Variants in STAB1 observed in about 807,000 individuals in gnomAD.
The protein encoded by STAB1 is stabilin-1.
In STAB1, 250 loss-of-function variants were observed where a neutral mutation model predicts 332.4. The observed-to-expected ratio is 0.75, with a 90% confidence interval of 0.68 to 0.84. The LOEUF is 0.84. Ranked by LOEUF, STAB1 falls within the 40% of genes least tolerant of loss-of-function variation. STAB1 has a pLI of 0.00. For synonymous variants in STAB1, 1,475 were observed against 1,390.4 expected (o/e 1.06, Z -1.35); for missense variants, 3,249 against 3,489.7 (o/e 0.93, Z 1.74).
At chr3:52,501,544 G>A in intron 2 of STAB1, 94 bp from the exon 3 acceptor site, 2 of 1,252,720 alleles carry the variant, frequency 1.6e-6, no homozygotes, top group Non-Finnish European at 1.1e-6. Flanking sequence ...AGAGCAGGGA[G>A]GTGGGTGGGA....
At chr3:52,500,812 C>T (rs1708391155) in intron 1 of STAB1, among the ~76,000 whole-genome samples, 1 of 152,228 alleles carries the variant, frequency 6.6e-6, no homozygotes, top group Non-Finnish European at 1.5e-5. Flanking sequence ...CTTCAGTTTT[C>T]TCACCTGAAA....
chr3:52,512,651 A>G lies in STAB1; in HGVS notation c.3027+8A>G, dbSNP rs1709379098. On this transcript the variant is annotated splice_region_variant and intron_variant, in intron 28 of 68. Coordinates refer to ENST00000321725, the MANE Select transcript of STAB1 (RefSeq NM_015136.3). ...TTCTACCAATGGCTTAAGGTAGGACAGGGCAGAATGCTGGGGTTGAGGGCT... is the reference window on the plus strand; with the variant it reads ...TTCTACCAATGGCTTAAGGTAGGACGGGGCAGAATGCTGGGGTTGAGGGCT... 2 of 1,613,670 alleles carry G rather than the reference A, an allele frequency of 1.2e-6. No homozygotes were observed. The highest frequency in any genetic ancestry group is 1.1e-5 in the South Asian group (1 of 91,076).
Position 52,502,197 on chromosome 3 carries a change from C to A in STAB1, c.456C>A (p.Asp152Glu), listed in dbSNP as rs368822018. 3 of 1,613,256 alleles carry A rather than the reference C, an allele frequency of 1.9e-6. No individual in the cohort carries two copies. Residue 152 changes from aspartate to glutamate, a missense_variant, in exon 5 of 69, where the codon GAC (aspartate) becomes GAA (glutamate). Coordinates refer to ENST00000321725, the MANE Select transcript of STAB1 (RefSeq NM_015136.3). ...GCTCAGCCTGCCAGGAGTGCCAAGA[C>A]CCCAACCGGTTCGGGCCTGACTGCC... Reference protein sequence around the residue: ...FRGSACQECQDPNRFGPDCQS... With the variant: ...FRGSACQECQEPNRFGPDCQS...
In STAB1 at chr3:52,511,752, G is replaced by T. The variant is rs369232533; in HGVS notation, c.2883+7G>T. 2 of 1,574,886 alleles carry T rather than the reference G, an allele frequency of 1.3e-6. No individual in the cohort carries two copies. The highest frequency in any genetic ancestry group is 8.6e-7 in the Non-Finnish European group (1 of 1,157,118). Reference sequence around the variant, plus strand: ...TGGCGGCTGCCACGGCCTGGTAAGGGGGTGCAAGGCTCAGAGCCCTGGGGA... The same window carrying T: ...TGGCGGCTGCCACGGCCTGGTAAGGTGGTGCAAGGCTCAGAGCCCTGGGGA... On this transcript the variant is annotated splice_region_variant and intron_variant, in intron 26 of 68. Transcript: ENST00000321725.
Position 52,518,703 on chromosome 3 carries a change from C to T in STAB1, c.4888-20C>T, listed in dbSNP as rs1575355503. ...GAGGCGGCAGTCAGGGACCCCACTC[C>T]CCTCGCGACTCTGCTCCAGGATGAG... On this transcript the variant is annotated intron_variant, in intron 47 of 68. Transcript: ENST00000321725. 6.2e-7 allele frequency: 1 copy of T among 1,612,072 alleles called. No homozygotes were observed. The highest frequency in any genetic ancestry group is 1.3e-5 in the African/African-American group (1 of 75,030).
In STAB1 at chr3:52,503,020, T is replaced by C; in HGVS notation, c.605T>C (p.Leu202Pro). Residue 202 changes from leucine (L) to proline (P), a missense_variant, in exon 7 of 69, where the codon CTG becomes CCG. Coordinates refer to ENST00000321725, the MANE Select transcript of STAB1 (RefSeq NM_015136.3). ...GCAGAGCTGCCCGTCTGCCAGGAGC[T>C]GCGCTGTCCCCAGAACACCCAGTGC... ...CDQELPVCQE[L>P]RCPQNTQCSA... is the part of the protein sequence containing the mutation. 6.3e-7 allele frequency: 1 copy of C among 1,594,964 alleles called. No homozygotes were observed. Among genetic ancestry groups the C allele is most frequent in the Admixed American group, 1.7e-5 (1 of 58,050 alleles).
intron 1 of STAB1, among the ~76,000 whole-genome samples, chr3:52,499,440 C>T (rs1455102163): frequency 6.6e-6 from 1 of 152,258 alleles, no homozygotes; most frequent in Non-Finnish European, 1.5e-5. Flanking sequence ...TTGCTGAGAC[C>T]TTCTCCCAAT....
At chr3:52,507,213 T>A (rs1050515060) in intron 18 of STAB1, among the ~76,000 whole-genome samples, 2 of 152,128 alleles carry the variant, frequency 1.3e-5, no homozygotes, top group African/African-American at 4.8e-5. Flanking sequence ...CCTGGCTAAT[T>A]TTTGTATTTT....
chr3:52,510,153 T>C lies in STAB1; in HGVS notation c.2546T>C (p.Leu849Pro). The C allele has an allele frequency of 1.2e-6, 2 of 1,614,008 alleles. No individual in the cohort carries two copies. Among genetic ancestry groups the C allele is most frequent in the East Asian group, 2.2e-5 (1 of 44,884 alleles). The change falls in exon 24 of 69, where the codon CTT becomes CCT. Residue 849 changes from leucine (L) to proline (P), a missense_variant. Physicochemically the swap from Leu to Pro is moderately conservative, Grantham distance 98 (BLOSUM62 -3). Transcript: ENST00000321725. ...TCACCCACCCCCAGATGTCGCTGTC[T>C]TGATGGCTTTGAGGGTGATGGCTTC... Reference protein sequence around the residue: ...SQEGVARCRCLDGFEGDGFSC... With the variant: ...SQEGVARCRCPDGFEGDGFSC...
chr3:52,503,964 G>C lies in STAB1; in HGVS notation c.1022+62G>C, dbSNP rs1708647468. 7 of 1,611,274 alleles carry C rather than the reference G, an allele frequency of 4.3e-6. No homozygotes were observed. The South Asian group carries it at 7.7e-5, about 18-fold the overall frequency. On this transcript the variant is annotated intron_variant, in intron 9 of 68. Coordinates refer to ENST00000321725, the MANE Select transcript of STAB1 (RefSeq NM_015136.3). ...GGGCAAGCGTGCCCTCTGCGGGAAG[G>C]CGTGGGGGGTGCGGTGGGGGGGGCC...
Position 52,510,185 on chromosome 3 carries a change from A to G in STAB1, c.2578A>G (p.Thr860Ala), listed in dbSNP as rs1445688656. ...DGFEGDGFSC[T>A]PSNPCSHPDR... Reference sequence around the variant, plus strand: ...CTTTGAGGGTGATGGCTTCTCCTGCACACCTAGCAACCCCTGCTCCCACCC... The same window carrying G: ...CTTTGAGGGTGATGGCTTCTCCTGCGCACCTAGCAACCCCTGCTCCCACCC... The change falls in exon 24 of 69, where the codon ACA becomes GCA. Residue 860 changes from threonine to alanine, a missense_variant. Thr to Ala is a moderately conservative substitution (Grantham distance 58, BLOSUM62 0). Transcript: ENST00000321725. The G allele has an allele frequency of 5.0e-6, 8 of 1,613,766 alleles. No homozygotes were observed. The African/African-American group carries it at 1.1e-4, about 22-fold the overall frequency.
At position 52,501,255 on chromosome 3, in the gene STAB1, C is replaced by G. The variant is rs540265370; in HGVS notation, c.168C>G (p.Pro56=). The part of the protein sequence containing the change: ...SCAAIKKQTC[P]SGWLRELPDQ... The stretch of plus-strand genomic sequence containing the variant: ...CGGCCATCAAGAAGCAGACGTGTCC[C>G]TCAGGCTGGCTGCGGGAGCTCCCGG... The change falls in exon 2 of 69, where the codon CCC becomes CCG. Residue 56 remains proline, a synonymous_variant. Coordinates refer to ENST00000321725, the MANE Select transcript of STAB1 (RefSeq NM_015136.3). The G allele has an allele frequency of 3.3e-5, 53 of 1,613,710 alleles. 1 individual carries two copies. In the South Asian group the frequency reaches 5.8e-4, roughly 18 times the overall value.
At chr3:52,507,849 A>G in intron 19 of STAB1, 82 bp from the exon 20 acceptor site, 1 of 1,480,662 alleles carries the variant, frequency 6.8e-7, no homozygotes. Flanking sequence ...CAGGGGGCAG[A>G]GGTCCCTTAA....
At position 52,516,433 on chromosome 3, in the gene STAB1, G is replaced by C; in HGVS notation, c.4222G>C (p.Gly1408Arg). 6.2e-7 allele frequency: 1 copy of C among 1,612,402 alleles called. No homozygotes were observed. Among genetic ancestry groups the C allele is most frequent in the Non-Finnish European group, 8.5e-7 (1 of 1,178,980 alleles). The change falls in exon 39 of 69, where the codon GGC becomes CGC. Residue 1408 changes from glycine to arginine, a missense_variant. Gly to Arg is a moderately radical substitution (Grantham distance 125). Transcript: ENST00000321725. ...CTGTGTCTGTAACGTGGGCTGGCAG[G>C]GCCTCCGCTGTGACCAGAGTGAGTG... ...GSCVCNVGWQ[G>R]LRCDQKITSP...
In STAB1 at chr3:52,506,175, C is replaced by T. The variant is rs148151324; in HGVS notation, c.1755C>T (p.Thr585=). 68 of 1,611,150 alleles carry T rather than the reference C, an allele frequency of 4.2e-5. No homozygotes were observed. Among genetic ancestry groups the T allele is most frequent in the African/African-American group, 1.1e-4 (8 of 74,870 alleles). The stretch of plus-strand genomic sequence containing the variant: ...CACACTGTCCCTTGCCCCAGCTGAC[C>T]GTTGAGAAGCTCATCTCCAAGGGTC... ...RYHIYNHGQL[T]VEKLISKGRI... The change falls in exon 17 of 69, where the codon ACC becomes ACT. Residue 585 remains threonine (T), a synonymous_variant. Coordinates refer to ENST00000321725, the MANE Select transcript of STAB1 (RefSeq NM_015136.3).
chr3:52,507,332 A>G (rs1708951841), intron 18 of STAB1, among the ~76,000 whole-genome samples: 1 of 152,220 alleles, frequency 6.6e-6, no homozygotes. Context: ...GGCATGAGCC[A>G]CTGAGCCTGG....
At chr3:52,515,163 G>T (rs890081020) in intron 36 of STAB1, 118 bp downstream of exon 36, 253 of 1,323,826 alleles carry the variant, frequency 1.9e-4, no homozygotes, top group Non-Finnish European at 2.4e-4. Context: ...CAGGCTCAGG[G>T]AACTGGGTGG....
intron 58 of STAB1, 24 bp downstream of exon 58, chr3:52,521,975 G>T: frequency 6.2e-7 from 1 of 1,606,852 alleles, no homozygotes; most frequent in South Asian, 1.1e-5. Flanking sequence ...CGGGGACATG[G>T]AGGTGGGAGG....
In STAB1 at chr3:52,501,217, T is replaced by G; in HGVS notation, c.130T>G (p.Cys44Gly). 6.2e-7 allele frequency: 1 copy of G among 1,613,778 alleles called. No homozygotes were observed. Among genetic ancestry groups the G allele is most frequent in the Non-Finnish European group, 8.5e-7 (1 of 1,180,018 alleles). The change falls in exon 2 of 69, where the codon TGC (cysteine) becomes GGC (glycine). Residue 44 changes from cysteine (C) to glycine (G), a missense_variant. By Grantham distance (159) the Cys-to-Gly change is radical. Coordinates refer to ENST00000321725, the MANE Select transcript of STAB1 (RefSeq NM_015136.3). ...AACCACGTTTGTCACTCATGTACCC[T>G]GCACCTCGTGCGCGGCCATCAAGAA... ...VKTTFVTHVPCTSCAAIKKQT... is the reference protein window; with the variant it reads ...VKTTFVTHVPGTSCAAIKKQT...
Sources: gnomAD v4.1 joint callset for allele counts (sites outside exome capture counted in the v4.1 genomes callset) on GRCh38, gnomAD v4.1.1 for gene constraint, MANE v1.5 for transcripts, NCBI Gene and HGNC (gene_info 2026-07-23, HGNC 2026-07-21) for gene names.